The following NEBL variants were observed in gnomAD, a reference collection of about 807,000 sequenced individuals.
NEBL encodes the protein LIM and SH3 protein 2.
A neutral mutation model predicts 140.2 loss-of-function variants in NEBL; 122 were observed. The observed-to-expected ratio is 0.87, with a 90% CI of 0.75 to 1.01. NEBL has a LOEUF of 1.01. NEBL is among the 50% of genes least tolerant of loss of function. NEBL has a pLI of 0.00. For synonymous variants in NEBL, 436 were observed against 398.9 expected (o/e 1.09, Z -1.11); for missense variants, 1,365 against 1,231.3 (o/e 1.11, Z -1.62).
At chr10:21,096,345 A>G (rs192730850) in intron 2 of NEBL, among the ~76,000 whole-genome samples, 3 of 152,336 alleles carry the variant, frequency 2.0e-5, no homozygotes, top group Admixed American at 1.3e-4. Context: ...CAATTTGCAT[A>G]TAAAACTCGC....
chr10:21,243,044 G>A (rs1196397712), intron 3 of NEBL, among the ~76,000 whole-genome samples: 2 of 152,106 alleles, frequency 1.3e-5, no homozygotes, highest in Admixed American at 1.3e-4. Flanking sequence ...TGCTTTTGCA[G>A]CCATGCCCAC....
At chr10:21,071,294 T>G (rs1486706357) in intron 2 of NEBL, among the ~76,000 whole-genome samples, 2 of 151,316 alleles carry the variant, frequency 1.3e-5, no homozygotes, top group African/African-American at 4.8e-5. Flanking sequence ...AGAAGATGAA[T>G]TCTTCCTCCC....
upstream of NEBL, among the ~76,000 whole-genome samples, chr10:21,175,940 G>A (rs1232800090): frequency 1.3e-5 from 2 of 151,976 alleles, no homozygotes; most frequent in Non-Finnish European, 2.9e-5. Flanking sequence ...TTGGTGATAT[G>A]TGACATTATA....
At chr10:20,839,276 C>G (rs915763854) in intron 13 of NEBL, among the ~76,000 whole-genome samples, 2 of 152,158 alleles carry the variant, frequency 1.3e-5, no homozygotes, top group South Asian at 4.1e-4. Flanking sequence ...ATGCTACTGA[C>G]AAGTAATTAC....
At chr10:20,795,666 ATTTC>A (rs1836434956) in intron 26 of NEBL, among the ~76,000 whole-genome samples, 1 of 152,032 alleles carries the variant, frequency 6.6e-6, no homozygotes, top group South Asian at 2.1e-4. Context: ...TGTATGATAA[ATTTC>A]AAGCCTATGT....
chr10:20,809,664 A>C (rs1327051518), intron 25 of NEBL, 142 bp downstream of exon 25: 2 of 681,542 alleles, frequency 2.9e-6, no homozygotes, highest in Non-Finnish European at 5.2e-6. Flanking sequence ...TTGTATTTAA[A>C]AGTAGCATAG....
chr10:20,800,758 T>C (rs894192088), intron 26 of NEBL, among the ~76,000 whole-genome samples: 1 of 152,048 alleles, frequency 6.6e-6, no homozygotes, highest in African/African-American at 2.4e-5. Flanking sequence ...CATTAATCCC[T>C]CTAGCGGACC....
intron 2 of NEBL, chr10:21,146,505 C>G: frequency 6.2e-7 from 1 of 1,609,594 alleles, no homozygotes; most frequent in Middle Eastern, 1.7e-4. Context: ...TCACTTTTAG[C>G]CATCCTACTC....
intron 2 of NEBL, chr10:21,113,419 T>C: frequency 2.4e-6 from 1 of 421,382 alleles, no homozygotes; most frequent in Non-Finnish European, 4.5e-6. Flanking sequence ...GGAAGCCAAG[T>C]TCATCAATTA....
chr10:21,268,147 A>G (rs889734343), intron 1 of NEBL, among the ~76,000 whole-genome samples: 3 of 152,090 alleles, frequency 2.0e-5, no homozygotes, highest in African/African-American at 7.2e-5. Flanking sequence ...GTGACCACTC[A>G]AAAGAGAGTG....
intron 2 of NEBL, among the ~76,000 whole-genome samples, chr10:20,891,916 C>T (rs1026779284): frequency 6.6e-6 from 1 of 151,994 alleles, no homozygotes; most frequent in Non-Finnish European, 1.5e-5. Flanking sequence ...ATATTAGATA[C>T]ATATTAGTAG....
At chr10:21,085,272 A>G (rs945030881) in intron 2 of NEBL, among the ~76,000 whole-genome samples, 2 of 152,092 alleles carry the variant, frequency 1.3e-5, no homozygotes, top group Non-Finnish European at 1.5e-5. Flanking sequence ...CTTTCTTCTC[A>G]TTGTTTTAGA....
chr10:21,261,225 G>T (rs1467098647), intron 1 of NEBL, among the ~76,000 whole-genome samples: 1 of 152,170 alleles, frequency 6.6e-6, no homozygotes, highest in Non-Finnish European at 1.5e-5. Flanking sequence ...AAGGCTCCAG[G>T]CTGCTCTGCT....
intron 2 of NEBL, among the ~76,000 whole-genome samples, chr10:21,042,140 A>G (rs1160237185): frequency 6.6e-6 from 1 of 152,142 alleles, no homozygotes; most frequent in Non-Finnish European, 1.5e-5. Flanking sequence ...AATTACTTAC[A>G]TTTACTGAGC....
At chr10:21,147,192 C>A (rs1054587249) in intron 2 of NEBL, among the ~76,000 whole-genome samples, 8 of 152,088 alleles carry the variant, frequency 5.3e-5, no homozygotes, top group African/African-American at 1.7e-4. Flanking sequence ...AAAGCAAAAC[C>A]CCAACCCCAC....
At chr10:21,077,424 G>A (rs1290656538) in intron 2 of NEBL, among the ~76,000 whole-genome samples, 1 of 151,982 alleles carries the variant, frequency 6.6e-6, no homozygotes, top group Non-Finnish European at 1.5e-5. Flanking sequence ...CTAACAACAT[G>A]GTGAAACCCC....
intron 3 of NEBL, 126 bp downstream of exon 3, chr10:20,889,719 A>G (rs1000233941): frequency 2.8e-5 from 20 of 702,498 alleles, no homozygotes; most frequent in Non-Finnish European, 3.6e-5. Context: ...ATAATTATGT[A>G]GCTATTACTA....
At chr10:20,791,028 A>G (rs1042805450) in intron 26 of NEBL, among the ~76,000 whole-genome samples, 3 of 152,226 alleles carry the variant, frequency 2.0e-5, no homozygotes, top group Non-Finnish European at 4.4e-5. Context: ...TTTTCTAACC[A>G]AAGAGTTTGA....
chr10:21,208,461 G>A (rs1841865073), intron 3 of NEBL, among the ~76,000 whole-genome samples: 1 of 152,174 alleles, frequency 6.6e-6, no homozygotes, highest in Non-Finnish European at 1.5e-5. Flanking sequence ...GATTAATGCT[G>A]AATATGCTAA....
Sources: allele counts gnomAD v4.1 joint callset (sites outside exome capture counted in the v4.1 genomes callset), GRCh38; gene constraint gnomAD v4.1.1; transcripts MANE v1.5; gene names NCBI Gene and HGNC (gene_info 2026-07-23, HGNC 2026-07-21).